The following BACE1 variants were observed in gnomAD, a reference collection of about 807,000 sequenced individuals.
BACE1 encodes APP beta-secretase.
BACE1 carries 21 observed loss-of-function variants against 54.0 expected under a neutral mutation model. The ratio of observed to expected loss-of-function variants is 0.39; its 90% CI spans 0.28 to 0.56. The LOEUF (loss-of-function observed/expected upper bound fraction) is 0.56. Among genes scored for constraint, BACE1 ranks in the 20% least tolerant of loss-of-function variants. The pLI is 0.63. For missense variants in BACE1, 511 were observed against 661.2 expected (o/e 0.77, Z 2.49); for synonymous variants, 232 against 260.9 (o/e 0.89, Z 1.07).
intron 1 of BACE1, among the ~76,000 whole-genome samples, chr11:117,306,233 C>T (rs1212734305): frequency 6.6e-6 from 1 of 152,110 alleles, no homozygotes; most frequent in African/African-American, 2.4e-5. Flanking sequence ...TTAGCCTCTG[C>T]GGAACCCACC....
At chr11:117,300,003 T>G (rs891611274) in intron 1 of BACE1, among the ~76,000 whole-genome samples, 1 of 151,976 alleles carries the variant, frequency 6.6e-6, no homozygotes, top group African/African-American at 2.4e-5. Context: ...AGCTTTGACC[T>G]GGGGGCTCCT....
rs542143015 is a variant in BACE1 at position 117,305,043 on chromosome 11, C to T, written c.262-8082G>A. Among the ~76,000 whole-genome samples, 4 of 150,192 alleles carry T rather than the reference C, an allele frequency of 2.7e-5. No homozygotes were observed. In the South Asian group the frequency reaches 8.5e-4, roughly 32 times the overall value. On this transcript the variant is annotated intron_variant, in intron 1 of 8. Transcript: ENST00000313005. ...AGTGGTGCAATCTTGGCTCCTGCCT[C>T]AGCCTCCCGAGTAGCTGGGATTACA...
At chr11:117,294,272 A>G (rs1181549775) in intron 3 of BACE1, 2 of 250,260 alleles carry the variant, frequency 8.0e-6, no homozygotes, top group Non-Finnish European at 7.6e-6. Flanking sequence ...GCTGGAGTGC[A>G]ATGTTACGAT....
chr11:117,290,914 T>C lies in BACE1; in HGVS notation c.1078A>G (p.Thr360Ala), dbSNP rs1394492994. The change falls in exon 7 of 9, where the codon ACC becomes GCC. Residue 360 changes from threonine to alanine, a missense_variant. By Grantham distance (58) the Thr-to-Ala change is moderately conservative. This residue lies in a region of BACE1 where 407 missense variants were observed against 565.7 expected (regional missense o/e 0.72). Transcript: ENST00000313005. ...CTGGGACATACCTGCGGAAGGATGG[T>C]GATGCGGAAGGACTGGTTGGTAACC... The part of the protein sequence containing the change: ...GEVTNQSFRI[T>A]ILPQQYLRPV... 6.2e-7 allele frequency: 1 copy of C among 1,613,970 alleles called. No individual in the cohort carries two copies.
intron 6 of BACE1, 66 bp from the exon 7 acceptor site, chr11:117,291,115 C>G (rs1359813740): frequency 1.3e-6 from 2 of 1,563,256 alleles, no homozygotes; most frequent in Non-Finnish European, 1.7e-6. Flanking sequence ...CTCCCATGTT[C>G]AGATACATTA....
Position 117,291,047 on chromosome 11 carries a change from C to T in BACE1, c.945G>A (p.Thr315=), listed in dbSNP as rs763356890. 9.9e-6 allele frequency: 16 copies of T among 1,614,028 alleles called. No homozygotes were observed. The highest frequency in any genetic ancestry group is 2.2e-5 in the East Asian group (1 of 44,892). ...AVKSIKAASS[T]EKFPDGFWLG... is the part of the protein sequence containing the mutation. Reference sequence around the variant, plus strand: ...GCCAGAAACCATCAGGGAACTTCTCCGTCTGTGTTGGCAAGAAGGGGATAA... The same window carrying T: ...GCCAGAAACCATCAGGGAACTTCTCTGTCTGTGTTGGCAAGAAGGGGATAA... The change falls in exon 7 of 9, where the codon ACG becomes ACA. Residue 315 remains threonine (T), a splice_region_variant and synonymous_variant. Transcript: ENST00000313005.
rs1591856660 is a variant in BACE1, at chr11:117,293,765, T to G, written c.705+106A>C. ...GGAATATAAAGAGGTTCCTCCTGAT[T>G]CTAAGTATCGGAGCCAAAACTGTGG... On this transcript the variant is annotated intron_variant, in intron 4 of 8. Transcript: ENST00000313005. The surrounding 1 kb of genome is among the most constrained non-coding windows in gnomAD (Gnocchi z 4.1). 8.2e-7 allele frequency: 1 copy of G among 1,225,018 alleles called. No homozygotes were observed. The highest frequency in any genetic ancestry group is 1.8e-5 in the South Asian group (1 of 55,460). The allele number at this position is 1,225,018 out of a possible 1,614,324, so 75.9% of individuals were successfully genotyped here.
At chr11:117,309,943 C>G (rs969474655) in intron 1 of BACE1, among the ~76,000 whole-genome samples, 1 of 152,286 alleles carries the variant, frequency 6.6e-6, no homozygotes, top group South Asian at 2.1e-4. Flanking sequence ...GGGTCTCACT[C>G]TGTCACCCAG....
At chr11:117,299,703 T>G (rs966648345) in intron 1 of BACE1, 36 of 400,634 alleles carry the variant, frequency 9.0e-5, no homozygotes, top group Non-Finnish European at 1.6e-4. Context: ...CCAGATGCTG[T>G]GCTTTCAGAG....
rs1199318581 is a variant in BACE1, at chr11:117,314,315, G to A, written c.261+1220C>T. Among the ~76,000 whole-genome samples the A allele has an allele frequency of 3.3e-5, 5 of 152,184 alleles. No individual in the cohort carries two copies. In the East Asian group the frequency reaches 9.6e-4, roughly 29 times the overall value. On this transcript the variant is annotated intron_variant, in intron 1 of 8. Coordinates refer to ENST00000313005, the MANE Select transcript of BACE1 (RefSeq NM_012104.6). ...TGCACAGGAAAGAGGATGAGAAAGT[G>A]GGGAAGACCAGGCTTTCGACTAGCT...
At chr11:117,306,737 G>GGA (rs1413283072) in intron 1 of BACE1, among the ~76,000 whole-genome samples, 1 of 152,162 alleles carries the variant, frequency 6.6e-6, no homozygotes, top group Non-Finnish European at 1.5e-5. Flanking sequence ...CTTGAACCCA[G>GGA]GAGGTGGAGG....
At chr11:117,304,117 G>A (rs781608849) in intron 1 of BACE1, among the ~76,000 whole-genome samples, 3 of 152,238 alleles carry the variant, frequency 2.0e-5, no homozygotes, top group Non-Finnish European at 4.4e-5. Flanking sequence ...GCTTAGCCAT[G>A]TGACTGGCTG....
Position 117,293,472 on chromosome 11 carries a change from G to T in BACE1, c.706-284C>A. ...TAAACTGCCACAATAAATGTTGAAT[G>T]AATGGTTATTTGTTTATATTATAAG... is the stretch of plus-strand genomic sequence containing the variant. On this transcript the variant is annotated intron_variant, in intron 4 of 8. Coordinates refer to ENST00000313005, the MANE Select transcript of BACE1 (RefSeq NM_012104.6). This position sits in a 1 kb window ranked among gnomAD's most constrained non-coding sequence, Gnocchi z 4.1. 3.2e-6 allele frequency: 1 copy of T among 311,418 alleles called. No individual in the cohort carries two copies. The highest frequency in any genetic ancestry group is 5.8e-6 in the Non-Finnish European group (1 of 173,228). The allele number at this position is 311,418 out of a possible 1,614,324, so 19.3% of individuals were successfully genotyped here.
chr11:117,290,418 A>G (rs2034388491), intron 8 of BACE1, 70 bp downstream of exon 8: 7 of 1,561,626 alleles, frequency 4.5e-6, no homozygotes, highest in South Asian at 1.2e-5. Flanking sequence ...GGACCCAGGT[A>G]TACTAACTGT....
chr11:117,296,331 A>C (rs945484136), intron 2 of BACE1, among the ~76,000 whole-genome samples: 2 of 151,372 alleles, frequency 1.3e-5, no homozygotes, highest in Admixed American at 1.3e-4. Flanking sequence ...TGGGTGGTGC[A>C]TGGAGGAGAT....
At chr11:117,309,782 C>T (rs2034906317) in intron 1 of BACE1, among the ~76,000 whole-genome samples, 1 of 152,212 alleles carries the variant, frequency 6.6e-6, no homozygotes, top group Non-Finnish European at 1.5e-5. Context: ...ACACAGTAGG[C>T]AAGTACTCAA....
At chr11:117,299,667 C>G (rs1170896187) in intron 1 of BACE1, 1 of 408,770 alleles carries the variant, frequency 2.4e-6, no homozygotes, top group Non-Finnish European at 4.9e-6. Flanking sequence ...TGGTCTCTCT[C>G]CCCGGTCTCT....
chr11:117,297,117 C>A, intron 1 of BACE1, 156 bp from the exon 2 acceptor site: 1 of 607,690 alleles, frequency 1.6e-6, no homozygotes, highest in Non-Finnish European at 2.9e-6. Flanking sequence ...CCCGTTACCA[C>A]CACGACCACA....
intron 2 of BACE1, 48 bp from the exon 3 acceptor site, chr11:117,295,395 T>A: frequency 6.3e-7 from 1 of 1,597,442 alleles, no homozygotes. Flanking sequence ...ACAACTGGTA[T>A]AAGGATCTAA....
Sources: allele counts gnomAD v4.1 joint callset (sites outside exome capture counted in the v4.1 genomes callset), GRCh38; gene constraint gnomAD v4.1.1; regional missense constraint gnomAD v4.1.1; non-coding constraint Gnocchi (gnomAD v3.1); transcripts MANE v1.5; gene names NCBI Gene and HGNC (gene_info 2026-07-23, HGNC 2026-07-21).